Variants in KDM4B observed in about 807,000 individuals in gnomAD.
The protein encoded by KDM4B is lysine-specific demethylase 4B.
KDM4B carries 32 observed loss-of-function variants against 125.2 expected under a neutral mutation model. The ratio of observed to expected loss-of-function variants is 0.26; its 90% CI spans 0.19 to 0.34. The LOEUF is 0.34. KDM4B is among the 10% of genes least tolerant of loss of function. The pLI, the probability that KDM4B is intolerant of heterozygous loss-of-function variation, is 1.00. For synonymous variants in KDM4B, 721 were observed against 677.9 expected (o/e 1.06, Z -0.99); for missense variants, 1,190 against 1,577.7 (o/e 0.75, Z 4.16).
At chr19:5,006,261 A>G (rs2035556346) in intron 1 of KDM4B, among the ~76,000 whole-genome samples, 1 of 151,686 alleles carries the variant, frequency 6.6e-6, no homozygotes, top group African/African-American at 2.4e-5. Flanking sequence ...TGTGCACCCC[A>G]TCCTCAGAGC....
intron 7 of KDM4B, among the ~76,000 whole-genome samples, chr19:5,073,020 C>T (rs997969936): frequency 6.6e-6 from 1 of 152,240 alleles, no homozygotes; most frequent in Non-Finnish European, 1.5e-5. Context: ...AACCAACAGT[C>T]CCTCTGCCTC....
At chr19:5,015,993 A>C (rs1316518339) in intron 1 of KDM4B, among the ~76,000 whole-genome samples, 1 of 152,152 alleles carries the variant, frequency 6.6e-6, no homozygotes, top group Non-Finnish European at 1.5e-5. Context: ...CTTTGGTTTC[A>C]TTTGACTGTT....
intron 2 of KDM4B, among the ~76,000 whole-genome samples, chr19:5,029,799 C>T (rs1348638943): frequency 6.6e-6 from 1 of 152,240 alleles, no homozygotes; most frequent in Non-Finnish European, 1.5e-5. Context: ...TGCACTCCAG[C>T]CTGGGCGACA....
rs1210770585 is a variant in KDM4B, at chr19:5,146,053, C to T, written c.3021+1151C>T. On this transcript the variant is annotated intron_variant, in intron 21 of 22. Transcript: ENST00000159111. ...CACCCCTACCCCCCGCCGTGCAGGCCGGCCCCGCCCGGTCACCACTCTCGG... is the reference window on the plus strand; with the variant it reads ...CACCCCTACCCCCCGCCGTGCAGGCTGGCCCCGCCCGGTCACCACTCTCGG... Among the ~76,000 whole-genome samples the T allele has an allele frequency of 7.2e-5, 11 of 151,892 alleles. No homozygotes were observed. The South Asian group carries it at 1.5e-3, about 20-fold the overall frequency.
chr19:5,054,462 ATG>A (rs3070257), intron 6 of KDM4B, among the ~76,000 whole-genome samples: 62,676 of 150,378 alleles, frequency 0.42, 14,105 homozygotes, highest in African/African-American at 0.59. Flanking sequence ...GAGAGAGAGA[ATG>A]TGTGTGTGTG....
At chr19:5,103,304 A>G (rs2145959616) in intron 9 of KDM4B, among the ~76,000 whole-genome samples, 1 of 152,360 alleles carries the variant, frequency 6.6e-6, no homozygotes, top group African/African-American at 2.4e-5. Context: ...CTCTGAGCCC[A>G]TCGACATTCT....
At chr19:5,111,115 G>T (rs867026362) in intron 10 of KDM4B, among the ~76,000 whole-genome samples, 1 of 152,044 alleles carries the variant, frequency 6.6e-6, no homozygotes, top group African/African-American at 2.4e-5. Context: ...TCATGTCCCC[G>T]CCAGGAGGCT....
intron 13 of KDM4B, among the ~76,000 whole-genome samples, chr19:5,133,294 A>G (rs2039590826): frequency 6.6e-6 from 1 of 152,292 alleles, no homozygotes; most frequent in Non-Finnish European, 1.5e-5. Context: ...CCCGTCACGC[A>G]GCTCTTCCTG....
intron 9 of KDM4B, among the ~76,000 whole-genome samples, chr19:5,108,700 A>G (rs542690218): frequency 2.9e-4 from 44 of 152,332 alleles, no homozygotes; most frequent in African/African-American, 1.1e-3. Context: ...CAAGACAGGT[A>G]CTTGAAATGG....
intron 6 of KDM4B, among the ~76,000 whole-genome samples, chr19:5,070,399 C>T (rs2145819868): frequency 6.6e-6 from 1 of 152,352 alleles, no homozygotes; most frequent in South Asian, 2.1e-4. Context: ...TGTGTTTGCA[C>T]ACTTTCATCT....
chr19:5,098,477 C>T (rs2038870234), intron 9 of KDM4B, among the ~76,000 whole-genome samples: 1 of 152,090 alleles, frequency 6.6e-6, no homozygotes, highest in South Asian at 2.1e-4. Flanking sequence ...ACAGGAAGTG[C>T]TCCCATGGTG....
At chr19:5,150,565 T>A in intron 22 of KDM4B, 115 bp downstream of exon 22, 1 of 726,358 alleles carries the variant, frequency 1.4e-6, no homozygotes, top group East Asian at 2.9e-5. Context: ...CTCTTGCACC[T>A]CTGCTGGAAG....
rs540378854 is a variant in KDM4B, at chr19:5,081,828, C to G, written c.781-539C>G. 1.3e-3 allele frequency among the ~76,000 whole-genome samples: 204 copies of G among 152,238 alleles called. No individual in the cohort carries two copies. The highest frequency in any genetic ancestry group is 2.1e-3 in the Non-Finnish European group (145 of 68,016). Reference sequence around the variant, plus strand: ...GTGCAGTGGTGGTTCCTTTCTCATGCGAGGGCAGAAGGTGTCCTGAGCGCG... The same window carrying G: ...GTGCAGTGGTGGTTCCTTTCTCATGGGAGGGCAGAAGGTGTCCTGAGCGCG... On this transcript the variant is annotated intron_variant, in intron 8 of 22. Transcript: ENST00000159111. This position sits in a 1 kb window ranked among gnomAD's most constrained non-coding sequence, Gnocchi z 4.2.
chr19:5,095,370 T>A (rs939918982), intron 9 of KDM4B, among the ~76,000 whole-genome samples: 2 of 152,244 alleles, frequency 1.3e-5, no homozygotes, highest in African/African-American at 4.8e-5. Context: ...TCTGCCACTC[T>A]ACTGTTTTAC....
intron 1 of KDM4B, among the ~76,000 whole-genome samples, chr19:4,992,306 C>CATCT (rs1479840259): frequency 1.3e-5 from 2 of 152,078 alleles, no homozygotes; most frequent in Non-Finnish European, 2.9e-5. Flanking sequence ...TACTGTGCTC[C>CATCT]ATCTGCCTTA....
intron 18 of KDM4B, among the ~76,000 whole-genome samples, chr19:5,143,511 T>C (rs1397329904): frequency 6.6e-6 from 1 of 152,062 alleles, no homozygotes; most frequent in Non-Finnish European, 1.5e-5. Context: ...TTCCTGTGTC[T>C]GGGGGTGGCC....
rs1319023302 is a variant in KDM4B at position 5,039,821 on chromosome 19, A to G, written c.142-15A>G. The G allele has an allele frequency of 1.2e-6, 2 of 1,610,266 alleles. No homozygotes were observed. The highest frequency in any genetic ancestry group is 1.7e-6 in the Non-Finnish European group (2 of 1,178,156). On this transcript the variant is annotated splice_polypyrimidine_tract_variant and intron_variant, in intron 3 of 22. Transcript: ENST00000159111. ...GGGTCTGAGGGTGCCACTGACTCCCATCTTGGTCTTGCAGATCATCCCCCC... is the reference window on the plus strand; with the variant it reads ...GGGTCTGAGGGTGCCACTGACTCCCGTCTTGGTCTTGCAGATCATCCCCCC...
rs753154452 is a variant in KDM4B, at chr19:5,119,655, C to T, written c.1118C>T (p.Ser373Phe). The change falls in exon 11 of 23, where the codon TCT (serine) becomes TTT (phenylalanine). Residue 373 changes from serine (S) to phenylalanine (F), a missense_variant and splice_region_variant. Physicochemically the swap from Ser to Phe is radical, Grantham distance 155 (BLOSUM62 -2). Coordinates refer to ENST00000159111, the MANE Select transcript of KDM4B (RefSeq NM_015015.3). ...ASLKAKLLRR[S>F]HRKRSQPKKP... ...GCCTGATAAACCTCCCTCTCCAGGT[C>T]TCACCGGAAACGGAGCCAGCCCAAG... 1 of 1,554,748 alleles carries T rather than the reference C, an allele frequency of 6.4e-7. No homozygotes were observed. Among genetic ancestry groups the T allele is most frequent in the South Asian group, 1.2e-5 (1 of 84,418 alleles).
At chr19:5,084,098 T>C (rs1326286467) in intron 9 of KDM4B, among the ~76,000 whole-genome samples, 1 of 151,646 alleles carries the variant, frequency 6.6e-6, no homozygotes, top group African/African-American at 2.4e-5. Flanking sequence ...AACACAAAAA[T>C]TATCCAGGCA....
Sources: allele counts gnomAD v4.1 joint callset (sites outside exome capture counted in the v4.1 genomes callset), GRCh38; gene constraint gnomAD v4.1.1; non-coding constraint Gnocchi (gnomAD v3.1); transcripts MANE v1.5; gene names NCBI Gene and HGNC (gene_info 2026-07-23, HGNC 2026-07-21).